MORC2: variants seen among roughly 807,000 people sequenced by gnomAD.
MORC2 encodes the protein MORC family CW-type zinc finger 2.
MORC2 carries 30 observed loss-of-function variants against 136.0 expected under a neutral mutation model. The ratio of observed to expected loss-of-function variants is 0.22; its 90% CI spans 0.17 to 0.30. The LOEUF (loss-of-function observed/expected upper bound fraction) is 0.30, where lower values mean the gene tolerates loss of function less well. Ranked by LOEUF, MORC2 falls within the 10% of genes least tolerant of loss-of-function variation. The pLI is 1.00. For synonymous variants in MORC2, 439 were observed against 487.0 expected (o/e 0.90, Z 1.30); for missense variants, 922 against 1,333.1 (o/e 0.69, Z 4.80).
intron 1 of MORC2, among the ~76,000 whole-genome samples, chr22:30,966,284 T>C (rs573484276): frequency 6.6e-6 from 1 of 152,300 alleles, no homozygotes; most frequent in East Asian, 1.9e-4. Flanking sequence ...GAGATAACCA[T>C]TTATCAAACA....
intron 5 of MORC2, among the ~76,000 whole-genome samples, chr22:30,948,469 A>C (rs903305910): frequency 1.3e-5 from 2 of 152,258 alleles, no homozygotes; most frequent in African/African-American, 2.4e-5. Context: ...CCATGGAAAC[A>C]TCAAAGGAGG....
At chr22:30,954,339 A>T (rs1028812663) in intron 3 of MORC2, among the ~76,000 whole-genome samples, 4 of 152,196 alleles carry the variant, frequency 2.6e-5, no homozygotes, top group Non-Finnish European at 5.9e-5. Flanking sequence ...GTGGTAGAAA[A>T]GTGTAGGGTT....
Position 30,926,954 on chromosome 22 carries a change from G to A in MORC2, c.3031-83C>T. 4 of 1,213,740 alleles carry A rather than the reference G, an allele frequency of 3.3e-6. No individual in the cohort carries two copies. In the South Asian group the frequency reaches 5.1e-5, roughly 15 times the overall value. The allele number at this position is 1,213,740 out of a possible 1,614,324, so 75.2% of individuals were successfully genotyped here. ...CTTTCCACCCTTCTCTCAGCTCCTG[G>A]GATGGAGCCCAGAGTCCTCTCCCTG... On this transcript the variant is annotated intron_variant, in intron 25 of 25. Transcript: ENST00000397641.
chr22:30,934,215 T>A lies in MORC2; in HGVS notation c.2194-24A>T. The A allele has an allele frequency of 6.2e-7, 1 of 1,613,990 alleles. No individual in the cohort carries two copies. ...GCCTAGAGCAAGAGGAGCGTGAGGA[T>A]GTGAGGGGCCCTGTTCAGCCTCTAA... On this transcript the variant is annotated intron_variant, in intron 19 of 25. Coordinates refer to ENST00000397641, the MANE Select transcript of MORC2 (RefSeq NM_001303256.3). This position sits in a 1 kb window ranked among gnomAD's most constrained non-coding sequence, Gnocchi z 4.4.
chr22:30,955,215 C>T (rs2040949253), intron 3 of MORC2, among the ~76,000 whole-genome samples: 1 of 152,082 alleles, frequency 6.6e-6, no homozygotes, highest in African/African-American at 2.4e-5. Flanking sequence ...GCCTCGGCTT[C>T]CCAAAGTGTT....
At chr22:30,938,611 C>T (rs1001750752) in intron 12 of MORC2, among the ~76,000 whole-genome samples, 1 of 152,158 alleles carries the variant, frequency 6.6e-6, no homozygotes, top group Non-Finnish European at 1.5e-5. Flanking sequence ...GCTCTGTCGC[C>T]CAGGCTGGAG....
At chr22:30,938,251 A>G (rs754387344) in intron 12 of MORC2, 46 bp from the exon 13 acceptor site, 1 of 1,607,536 alleles carries the variant, frequency 6.2e-7, no homozygotes, top group South Asian at 1.1e-5. Flanking sequence ...TCGGCACACA[A>G]GCACCATAGT....
intron 4 of MORC2, 40 bp downstream of exon 4, chr22:30,950,337 G>GGGGGGGGGCCCC: frequency 1.3e-6 from 1 of 761,764 alleles, no homozygotes; most frequent in Non-Finnish European, 2.3e-6. Context: ...TGGTTACATC[G>GGGGGGGGGCCCC]CACCCCCCCA....
At chr22:30,936,699 G>T in intron 16 of MORC2, 56 bp from the exon 17 acceptor site, 1 of 1,592,338 alleles carries the variant, frequency 6.3e-7, no homozygotes, top group Non-Finnish European at 8.5e-7. Flanking sequence ...AGCTCGGCAA[G>T]GACCTTTCTC....
rs548641831 is a variant in MORC2 at position 30,942,484 on chromosome 22, G to A, written c.427-213C>T. On this transcript the variant is annotated intron_variant, in intron 6 of 25. Transcript: ENST00000397641. ...CACAAGACTACTTCCTTCAGGAGAT[G>A]TTGGTTTATGTGCTTAGGGTCTCTG... Among the ~76,000 whole-genome samples, 21 of 152,302 alleles carry A rather than the reference G, an allele frequency of 1.4e-4. No homozygotes were observed. In the South Asian group the frequency reaches 3.1e-3, roughly 23 times the overall value.
chr22:30,949,831 T>C lies in MORC2; in HGVS notation c.238A>G (p.Ser80Gly), dbSNP rs376351739. The change falls in exon 5 of 26, where the codon AGT becomes GGT. Residue 80 changes from serine (S) to glycine (G), a missense_variant. Physicochemically the swap from Ser to Gly is moderately conservative, Grantham distance 56. This residue lies in a region of MORC2 where 57 missense variants were observed against 71.8 expected (regional missense o/e 0.79). Transcript: ENST00000397641. ...GAGMDPSDAA[S>G]VIQFGKSAKR... ...GCCGACTTCCCAAACTGGATCACACTGGCAGCATCACCTGAAAGGGCAGAC... is the reference window on the plus strand; with the variant it reads ...GCCGACTTCCCAAACTGGATCACACCGGCAGCATCACCTGAAAGGGCAGAC... 2.7e-5 allele frequency: 44 copies of C among 1,614,024 alleles called. 1 individual carries two copies. The Middle Eastern group carries it at 6.6e-4, about 24-fold the overall frequency.
chr22:30,932,087 T>C lies in MORC2; in HGVS notation c.2841+272A>G, dbSNP rs2040583558. The C allele has an allele frequency of 5.3e-6, 2 of 377,440 alleles. No individual in the cohort carries two copies. Among genetic ancestry groups the C allele is most frequent in the South Asian group, 3.8e-5 (1 of 26,634 alleles). 23.4% of individuals were successfully genotyped at this position (377,440 alleles called of 1,614,324 possible). A position where few individuals can be genotyped will look rare whatever the true frequency, so the allele number is the denominator to read the frequency against. ...TCATAAAATGTCAAACTACACCTGC[T>C]ATCCCTAAGGGATGACTCAACTCCT... On this transcript the variant is annotated intron_variant, in intron 24 of 25. Transcript: ENST00000397641. This position sits in a 1 kb window ranked among gnomAD's most constrained non-coding sequence, Gnocchi z 4.4.
At chr22:30,967,045 CTAGAATGTTAGAACACT>C (rs904305046) in intron 1 of MORC2, 1 of 957,886 alleles carries the variant, frequency 1.0e-6, no homozygotes, top group African/African-American at 1.8e-5. Flanking sequence ...TCTCCAGGTA[CTAGAATGTTAGAACACT>C]TACCTTCATC....
intron 10 of MORC2, 32 bp from the exon 11 acceptor site, chr22:30,940,073 G>A: frequency 6.2e-7 from 1 of 1,605,566 alleles, no homozygotes; most frequent in Non-Finnish European, 8.5e-7. Context: ...GGTAAGAAAT[G>A]CAAAGGTTCA....
chr22:30,954,063 G>A (rs77368708), intron 3 of MORC2, among the ~76,000 whole-genome samples: 1,615 of 152,246 alleles, frequency 0.011, 12 homozygotes, highest in Non-Finnish European at 0.018. Context: ...CAGCACTTTG[G>A]GGGGCCAAGG....
intron 21 of MORC2, 39 bp downstream of exon 21, chr22:30,933,427 A>ACCCCCG (rs1008536205): frequency 3.1e-6 from 5 of 1,591,350 alleles, no homozygotes; most frequent in Non-Finnish European, 3.4e-6. Flanking sequence ...TCCCACTCCC[A>ACCCCCG]CCCCCGCCAC....
rs1290017761 is a variant in MORC2 at position 30,949,748 on chromosome 22, C to G, written c.317+4G>C. ...GCCCTGTGACAAGCTTCTAATATAC[C>G]TACGATTTTAACCCATTCCCGTACT... On this transcript the variant is annotated splice_donor_region_variant and intron_variant, in intron 5 of 25. Transcript: ENST00000397641. The G allele has an allele frequency of 8.1e-6, 13 of 1,612,946 alleles. No individual in the cohort carries two copies. The highest frequency in any genetic ancestry group is 1.3e-5 in the African/African-American group (1 of 74,870).
Position 30,949,754 on chromosome 22 carries a change from T to C in MORC2, c.315A>G (p.Lys105=). ...TQIGQYGNGL[K]SGSMRIGKDF... is the part of the protein sequence containing the mutation. ...TGACAAGCTTCTAATATACCTACGATTTTAACCCATTCCCGTACTGCCCAA... is the reference window on the plus strand; with the variant it reads ...TGACAAGCTTCTAATATACCTACGACTTTAACCCATTCCCGTACTGCCCAA... The change falls in exon 5 of 26, where the codon AAA becomes AAG. Residue 105 remains lysine (K), a splice_region_variant and synonymous_variant. Transcript: ENST00000397641. 1.2e-6 allele frequency: 2 copies of C among 1,613,844 alleles called. No homozygotes were observed. Among genetic ancestry groups the C allele is most frequent in the Non-Finnish European group, 1.7e-6 (2 of 1,179,748 alleles).
Position 30,925,641 on chromosome 22 carries a change from C to T in MORC2, c.*1162G>A, listed in dbSNP as rs1310372576. The T allele has an allele frequency of 6.5e-6, 1 of 153,764 alleles. No individual in the cohort carries two copies. The highest frequency in any genetic ancestry group is 1.5e-5 in the Non-Finnish European group (1 of 68,070). 9.5% of individuals were successfully genotyped at this position (153,764 alleles called of 1,614,324 possible). ...ACAGTCCTTGTGCCTTCAGAAAACC[C>T]AGAGGCCCCAAATACGAGTGGGAAG... is the stretch of plus-strand genomic sequence containing the variant. On this transcript the variant is annotated 3_prime_UTR_variant, in exon 26 of 26. Coordinates refer to ENST00000397641, the MANE Select transcript of MORC2 (RefSeq NM_001303256.3).
Sources: allele counts gnomAD v4.1 joint callset (sites outside exome capture counted in the v4.1 genomes callset), GRCh38; gene constraint gnomAD v4.1.1; regional missense constraint gnomAD v4.1.1; non-coding constraint Gnocchi (gnomAD v3.1); transcripts MANE v1.5; gene names NCBI Gene and HGNC (gene_info 2026-07-23, HGNC 2026-07-21).